Variants in NECTIN1 observed in about 807,000 individuals in gnomAD.
NECTIN1 encodes the protein nectin-1.
Under a neutral mutation model 48.0 loss-of-function variants are expected in NECTIN1, and 23 were observed. The observed-to-expected ratio is 0.48, with a 90% confidence interval of 0.34 to 0.68. The LOEUF (loss-of-function observed/expected upper bound fraction) is 0.68. Ranked by LOEUF, NECTIN1 falls within the 30% of genes least tolerant of loss-of-function variation. The probability of loss-of-function intolerance (pLI) is 0.01; values close to 1 mark genes in which losing one functional copy is unlikely to be tolerated. For synonymous variants in NECTIN1, 270 were observed against 288.9 expected, an observed-to-expected ratio of 0.93 and a Z score of 0.66; for missense variants, 591 against 709.9, an observed-to-expected ratio of 0.83 and a Z score of 1.90.
intron 1 of NECTIN1, among the ~76,000 whole-genome samples, chr11:119,718,139 G>C (rs908907148): frequency 6.6e-6 from 1 of 152,152 alleles, no homozygotes; most frequent in Non-Finnish European, 1.5e-5. Flanking sequence ...GCAGGGTCAG[G>C]GTGTGCTGGG....
chr11:119,646,298 T>C (rs1369752811), intron 5 of NECTIN1, among the ~76,000 whole-genome samples: 2 of 152,204 alleles, frequency 1.3e-5, no homozygotes, highest in Non-Finnish European at 2.9e-5. Flanking sequence ...TTCCAGTCCA[T>C]CTCCCTGGAG....
intron 1 of NECTIN1, among the ~76,000 whole-genome samples, chr11:119,680,968 C>A (rs1011066364): frequency 6.6e-5 from 10 of 152,240 alleles, no homozygotes; most frequent in African/African-American, 2.4e-4. Context: ...CAGTCACCTC[C>A]CCTTTCTGAG....
intron 1 of NECTIN1, among the ~76,000 whole-genome samples, chr11:119,682,431 T>C (rs1489106861): frequency 6.6e-6 from 1 of 152,134 alleles, no homozygotes; most frequent in African/African-American, 2.4e-5. Context: ...CTTGACAACC[T>C]GAAAGCTGAG....
intron 1 of NECTIN1, among the ~76,000 whole-genome samples, chr11:119,720,227 T>C (rs1865804787): frequency 6.6e-6 from 1 of 152,228 alleles, no homozygotes; most frequent in African/African-American, 2.4e-5. Flanking sequence ...ACTGCCCTTG[T>C]CCTAGCACCT....
At chr11:119,721,203 C>T (rs1865824426) in intron 1 of NECTIN1, among the ~76,000 whole-genome samples, 1 of 152,238 alleles carries the variant, frequency 6.6e-6, no homozygotes, top group African/African-American at 2.4e-5. Context: ...CCAGCTCCTC[C>T]CGGAGAAGGC....
chr11:119,682,533 A>G (rs1001901014), intron 1 of NECTIN1, among the ~76,000 whole-genome samples: 2 of 152,180 alleles, frequency 1.3e-5, no homozygotes, highest in Non-Finnish European at 2.9e-5. Flanking sequence ...AGGGGGTTGC[A>G]TTCCACCTCT....
At chr11:119,654,615 A>G (rs1198922766) in intron 5 of NECTIN1, among the ~76,000 whole-genome samples, 6 of 150,354 alleles carry the variant, frequency 4.0e-5, no homozygotes, top group Non-Finnish European at 7.4e-5. Context: ...TCAGTCGCCC[A>G]TGCTGGAGTG....
In NECTIN1 at chr11:119,728,593, C is replaced by A; in HGVS notation, c.-40G>T. 2 of 1,403,610 alleles carry A rather than the reference C, an allele frequency of 1.4e-6. No homozygotes were observed. Among genetic ancestry groups the A allele is most frequent in the South Asian group, 1.3e-5 (1 of 75,490 alleles). 86.9% of individuals were successfully genotyped at this position (1,403,610 alleles called of 1,614,324 possible). On this transcript the variant is annotated 5_prime_UTR_variant, in exon 1 of 6. Coordinates refer to ENST00000264025, the MANE Select transcript of NECTIN1 (RefSeq NM_002855.5). ...CCGGCGAGAGGGGCGGCGAGGGCAGCGCTCCTCGCGCAGCAGAAACCAGCC... is the reference window on the plus strand; with the variant it reads ...CCGGCGAGAGGGGCGGCGAGGGCAGAGCTCCTCGCGCAGCAGAAACCAGCC...
At chr11:119,671,403 C>T (rs1864860216) in intron 5 of NECTIN1, among the ~76,000 whole-genome samples, 1 of 152,108 alleles carries the variant, frequency 6.6e-6, no homozygotes, top group African/African-American at 2.4e-5. Flanking sequence ...TTCTGGGGTC[C>T]CTGGCTGGCC....
chr11:119,689,460 G>A (rs934479407), intron 1 of NECTIN1, among the ~76,000 whole-genome samples: 1 of 152,214 alleles, frequency 6.6e-6, no homozygotes, highest in Admixed American at 6.5e-5. Flanking sequence ...CTGCTCCTAG[G>A]CAAGGCTTTG....
rs1396333834 is a variant in NECTIN1 at position 119,663,698 on chromosome 11, A to T, written c.*1049T>A. ...CAGCCCTGACTAGCCAAAAGAACCA[A>T]GTGTTGCTAGATAAGGGAGAAATCA... is the stretch of plus-strand genomic sequence containing the variant. On this transcript the variant is annotated 3_prime_UTR_variant, in exon 6 of 6. Coordinates refer to ENST00000264025, the MANE Select transcript of NECTIN1 (RefSeq NM_002855.5). 3.0e-6 allele frequency: 3 copies of T among 985,362 alleles called. No individual in the cohort carries two copies. Among genetic ancestry groups the T allele is most frequent in the Non-Finnish European group, 3.6e-6 (3 of 829,946 alleles). The allele number at this position is 985,362 out of a possible 1,614,324, so 61.0% of individuals were successfully genotyped here.
intron 1 of NECTIN1, among the ~76,000 whole-genome samples, chr11:119,718,113 G>A (rs1865774686): frequency 6.6e-6 from 1 of 152,238 alleles, no homozygotes; most frequent in African/African-American, 2.4e-5. Context: ...TGAGGCCTGA[G>A]CCTGCATGGT....
chr11:119,654,236 C>T (rs569112405), intron 5 of NECTIN1: 2 of 150,172 alleles, frequency 1.3e-5, no homozygotes, highest in Admixed American at 6.7e-5. Context: ...TTTACTTGCC[C>T]ATCTGAATAT....
chr11:119,677,294 A>C lies in NECTIN1; in HGVS notation c.734-75T>G. The C allele has an allele frequency of 7.7e-7, 1 of 1,306,976 alleles. No individual in the cohort carries two copies. The highest frequency in any genetic ancestry group is 1.4e-5 in the African/African-American group (1 of 69,046). 81.0% of individuals were successfully genotyped at this position (1,306,976 alleles called of 1,614,324 possible). A position where few individuals can be genotyped will look rare whatever the true frequency, so the allele number is the denominator to read the frequency against. On this transcript the variant is annotated intron_variant, in intron 3 of 5. Coordinates refer to ENST00000264025, the MANE Select transcript of NECTIN1 (RefSeq NM_002855.5). This position sits in a 1 kb window ranked among gnomAD's most constrained non-coding sequence, Gnocchi z 5.4. The stretch of plus-strand genomic sequence containing the variant: ...TAGAACAAGGGAACTTCAGCCAGGA[A>C]GGGATGGAAGGAGCAGTGGCATGGA...
intron 1 of NECTIN1, among the ~76,000 whole-genome samples, chr11:119,700,190 G>T (rs1385709326): frequency 6.6e-6 from 1 of 152,136 alleles, no homozygotes; most frequent in African/African-American, 2.4e-5. Context: ...CAGGGAGGGG[G>T]TGTGGTGTGA....
At position 119,668,614 on chromosome 11, in the gene NECTIN1, GC is replaced by G. The variant is rs1864815783; in HGVS notation, c.1004-3318del. Among the ~76,000 whole-genome samples, 8 of 152,104 alleles carry G rather than the reference GC, an allele frequency of 5.3e-5. No individual in the cohort carries two copies. The South Asian group carries it at 1.7e-3, about 32-fold the overall frequency. Reference sequence around the variant, plus strand: ...CACTTCTCCAGCCCCTTCTTCAGGAGCCTTCTCTTCTCCAGTTTACCGTGAT... The same window carrying G: ...CACTTCTCCAGCCCCTTCTTCAGGAGCTTCTCTTCTCCAGTTTACCGTGAT... On this transcript the variant is annotated intron_variant, in intron 5 of 5. Transcript: ENST00000264025.
At chr11:119,643,271 G>A (rs976851025) in intron 5 of NECTIN1, among the ~76,000 whole-genome samples, 3 of 152,226 alleles carry the variant, frequency 2.0e-5, no homozygotes, top group African/African-American at 4.8e-5. Flanking sequence ...GAAATCCAAG[G>A]AGGAGAAATT....
In NECTIN1 at chr11:119,674,602, C is replaced by A. The variant is rs78586273; in HGVS notation, c.1003+557G>T. The A allele has an allele frequency of 4.3e-3, 6,897 of 1,614,222 alleles. 226 individuals are homozygous for A. In the African/African-American group the frequency reaches 0.079, roughly 18 times the overall value. On this transcript the variant is annotated intron_variant, in intron 5 of 5. Transcript: ENST00000264025. Reference sequence around the variant, plus strand: ...AGGTGAAGTCTCTCCTCAGAACATCCTAGCTCTTGTCCTCCCTTTGCCCGG... The same window carrying A: ...AGGTGAAGTCTCTCCTCAGAACATCATAGCTCTTGTCCTCCCTTTGCCCGG...
chr11:119,724,156 C>T (rs979200831), intron 1 of NECTIN1, among the ~76,000 whole-genome samples: 2 of 152,174 alleles, frequency 1.3e-5, no homozygotes, highest in Non-Finnish European at 2.9e-5. Context: ...TATGCTACCT[C>T]CCCTCCCCAC....
Sources: allele counts gnomAD v4.1 joint callset (sites outside exome capture counted in the v4.1 genomes callset), GRCh38; gene constraint gnomAD v4.1.1; non-coding constraint Gnocchi (gnomAD v3.1); transcripts MANE v1.5; gene names NCBI Gene and HGNC (gene_info 2026-07-23, HGNC 2026-07-21).